LZTFL1: variants seen among roughly 807,000 people sequenced by gnomAD.
The protein encoded by LZTFL1 is leucine zipper transcription factor like 1, also known as leucine zipper transcription factor-like protein 1.
In LZTFL1, 25 loss-of-function variants were observed where a neutral mutation model predicts 45.9. The ratio of observed to expected loss-of-function variants is 0.54; its 90% CI spans 0.40 to 0.76. The LOEUF is 0.76. LZTFL1 is among the 30% of genes least tolerant of loss of function. LZTFL1 has a pLI of 0.00. For synonymous variants in LZTFL1, 93 were observed against 117.4 expected, an observed-to-expected ratio of 0.79 and a Z score of 1.35; for missense variants, 277 against 331.1, an observed-to-expected ratio of 0.84 and a Z score of 1.27.
intron 2 of LZTFL1, among the ~76,000 whole-genome samples, chr3:45,905,011 T>C (rs1176314806): frequency 1.6e-4 from 25 of 152,212 alleles, no homozygotes; most frequent in Admixed American, 1.6e-3. Context: ...ATTGGACAGC[T>C]TGTCTCAATG....
rs193046828 is a variant in LZTFL1, at chr3:45,857,194, A to G, written c.-138+1746T>C. Among the ~76,000 whole-genome samples, 85 of 152,372 alleles carry G rather than the reference A, an allele frequency of 5.6e-4. 1 individual carries two copies. The highest frequency in any genetic ancestry group is 4.9e-3 in the Admixed American group (75 of 15,304). ...ACCATGGAATACTACGCAGCCATAA[A>G]AAGGAACAAGTTAATGTCCTTTGCA... On this transcript the variant is annotated intron_variant, in intron 3 of 4. Transcript: ENST00000472635.
intron 2 of LZTFL1, among the ~76,000 whole-genome samples, chr3:45,871,469 C>T (rs1163037168): frequency 1.3e-5 from 2 of 152,066 alleles, no homozygotes; most frequent in East Asian, 1.9e-4. Flanking sequence ...TATGTTTTTC[C>T]GCTCATCTGG....
At chr3:45,875,367 T>C (rs1468036097) in intron 2 of LZTFL1, among the ~76,000 whole-genome samples, 1 of 152,190 alleles carries the variant, frequency 6.6e-6, no homozygotes, top group Admixed American at 6.5e-5. Context: ...TTGCTATATA[T>C]CAGGAGGAGT....
At chr3:45,871,139 C>G (rs557174810) in intron 2 of LZTFL1, among the ~76,000 whole-genome samples, 492 of 152,360 alleles carry the variant, frequency 3.2e-3, no homozygotes, top group Non-Finnish European at 5.0e-3. Flanking sequence ...ATTTCATCTT[C>G]ACCCACATAA....
chr3:45,881,928 C>T (rs574576220), intron 2 of LZTFL1, among the ~76,000 whole-genome samples: 1 of 152,358 alleles, frequency 6.6e-6, no homozygotes, highest in East Asian at 1.9e-4. Flanking sequence ...CTAGGGTGGC[C>T]ACTGGCCATG....
At position 45,860,596 on chromosome 3, in the gene LZTFL1, C is replaced by T. The variant is rs1701470293; in HGVS notation, c.-214-1580G>A. Among the ~76,000 whole-genome samples, 4 of 152,006 alleles carry T rather than the reference C, an allele frequency of 2.6e-5. No homozygotes were observed. In the South Asian group the frequency reaches 8.3e-4, roughly 31 times the overall value. ...CTTTTTCTTTGCCTGAAATTAATCT[C>T]ATTAATTTAGATTTTGTCAAAATAA... On this transcript the variant is annotated intron_variant, in intron 2 of 4. Transcript: ENST00000472635.
chr3:45,901,805 C>T lies in LZTFL1; in HGVS notation c.-215+11315G>A. Reference sequence around the variant, plus strand: ...CCCTGAAGAACTTGGGTTGCATCAGCCAGGCCCAGTGGGTTTCATTTACAA... The same window carrying T: ...CCCTGAAGAACTTGGGTTGCATCAGTCAGGCCCAGTGGGTTTCATTTACAA... On this transcript the variant is annotated intron_variant, in intron 2 of 4. Transcript: ENST00000472635. The surrounding 1 kb of genome is among the most constrained non-coding windows in gnomAD (Gnocchi z 4.3). 6.2e-7 allele frequency: 1 copy of T among 1,614,096 alleles called. No homozygotes were observed. The highest frequency in any genetic ancestry group is 1.1e-5 in the South Asian group (1 of 91,080).
At chr3:45,868,172 T>TAA (rs1470858816) in intron 2 of LZTFL1, among the ~76,000 whole-genome samples, 10 of 103,218 alleles carry the variant, frequency 9.7e-5, no homozygotes, top group East Asian at 3.6e-4. Context: ...TAAAGTATAA[T>TAA]AAAAATATAT....
chr3:45,880,273 G>A (rs1701830247), intron 2 of LZTFL1, among the ~76,000 whole-genome samples: 16 of 152,224 alleles, frequency 1.1e-4, no homozygotes, highest in Admixed American at 9.2e-4. Context: ...GGAGGCCGAG[G>A]TAGGCGGATC....
chr3:45,873,394 A>T (rs866285574), intron 2 of LZTFL1, among the ~76,000 whole-genome samples: 3 of 152,246 alleles, frequency 2.0e-5, no homozygotes, highest in Non-Finnish European at 4.4e-5. Flanking sequence ...ATAATTTATG[A>T]ACATTTCATT....
intron 2 of LZTFL1, among the ~76,000 whole-genome samples, chr3:45,875,065 ATTG>A (rs972932495): frequency 6.6e-6 from 1 of 152,200 alleles, no homozygotes; most frequent in East Asian, 1.9e-4. Context: ...TAAATAAATA[ATTG>A]TTGTTTAAGC....
intron 1 of LZTFL1, 100 bp downstream of exon 1, chr3:45,841,889 C>A (rs1575263719): frequency 6.8e-7 from 1 of 1,469,328 alleles, no homozygotes; most frequent in Non-Finnish European, 9.3e-7. Context: ...CCAGACCCAA[C>A]GAGGCCACGT....
At chr3:45,839,421 T>G (rs959359576) in intron 1 of LZTFL1, among the ~76,000 whole-genome samples, 4 of 152,176 alleles carry the variant, frequency 2.6e-5, no homozygotes, top group Non-Finnish European at 4.4e-5. Flanking sequence ...GTCTATAGTA[T>G]TACATTTACA....
At chr3:45,851,034 C>T (rs1157978310) in intron 4 of LZTFL1, among the ~76,000 whole-genome samples, 1 of 152,118 alleles carries the variant, frequency 6.6e-6, no homozygotes, top group Non-Finnish European at 1.5e-5. Flanking sequence ...TCTTCAGAAA[C>T]CTTCAGCTCC....
chr3:45,848,254 C>G (rs1438415576), intron 4 of LZTFL1, among the ~76,000 whole-genome samples: 1 of 152,196 alleles, frequency 6.6e-6, no homozygotes, highest in East Asian at 1.9e-4. Flanking sequence ...TGCAGTGACG[C>G]CTTCATGAAT....
At chr3:45,831,248 C>T in intron 5 of LZTFL1, 110 bp from the exon 6 acceptor site, 2 of 638,996 alleles carry the variant, frequency 3.1e-6, no homozygotes. Context: ...TACATAATAG[C>T]TCAAAAATGT....
intron 2 of LZTFL1, among the ~76,000 whole-genome samples, chr3:45,867,328 A>G (rs1301483723): frequency 1.3e-5 from 2 of 152,116 alleles, no homozygotes; most frequent in Admixed American, 1.3e-4. Flanking sequence ...GCTTATGACA[A>G]TGCTGGCAGA....
chr3:45,858,319 A>C (rs551609458), intron 3 of LZTFL1, among the ~76,000 whole-genome samples: 1 of 152,296 alleles, frequency 6.6e-6, no homozygotes, highest in South Asian at 2.1e-4. Flanking sequence ...TATACTTGTA[A>C]ATACTGTAGC....
At chr3:45,839,150 G>A (rs535629560) in intron 1 of LZTFL1, among the ~76,000 whole-genome samples, 7 of 152,206 alleles carry the variant, frequency 4.6e-5, no homozygotes, top group South Asian at 4.1e-4. Flanking sequence ...GTGCAGTGGC[G>A]CAATCTCGGC....
Sources: allele counts gnomAD v4.1 joint callset (sites outside exome capture counted in the v4.1 genomes callset), GRCh38; gene constraint gnomAD v4.1.1; non-coding constraint Gnocchi (gnomAD v3.1); transcripts MANE v1.5; gene names NCBI Gene and HGNC (gene_info 2026-07-23, HGNC 2026-07-21).